Variants in CRB1 observed in about 807,000 individuals in gnomAD.
CRB1 encodes the protein crumbs cell polarity complex component 1, also known as protein crumbs homolog 1.
Under a neutral mutation model 120.0 loss-of-function variants are expected in CRB1, and 83 were observed. The ratio of observed to expected loss-of-function variants is 0.69; its 90% CI spans 0.58 to 0.83. The LOEUF (loss-of-function observed/expected upper bound fraction) is 0.83, where lower values mean the gene tolerates loss of function less well. Among genes scored for constraint, CRB1 ranks in the 40% least tolerant of loss-of-function variants. The pLI is 0.00. For missense variants in CRB1, 1,699 were observed against 1,687.6 expected, an observed-to-expected ratio of 1.01 and a Z score of -0.12; for synonymous variants, 625 against 612.5, an observed-to-expected ratio of 1.02 and a Z score of -0.30.
At chr1:197,453,712 G>A (rs940217194) in intron 11 of CRB1, among the ~76,000 whole-genome samples, 2 of 146,004 alleles carry the variant, frequency 1.4e-5, no homozygotes, top group Non-Finnish European at 3.0e-5. Context: ...GAGTAGCTGG[G>A]ACTACAGCCA....
At chr1:197,297,652 C>G (rs773300987) in intron 1 of CRB1, among the ~76,000 whole-genome samples, 1 of 151,948 alleles carries the variant, frequency 6.6e-6, no homozygotes, top group African/African-American at 2.4e-5. Flanking sequence ...CTATACGTAG[C>G]AAGTAGAGAT....
chr1:197,297,723 G>A (rs998593645), intron 1 of CRB1, among the ~76,000 whole-genome samples: 1 of 152,006 alleles, frequency 6.6e-6, no homozygotes, highest in South Asian at 2.1e-4. Flanking sequence ...GGCCCCTAAG[G>A]TCCAGTCATT....
chr1:197,416,754 G>A (rs1015641817), intron 5 of CRB1, among the ~76,000 whole-genome samples: 1 of 151,506 alleles, frequency 6.6e-6, no homozygotes. Context: ...CTGTTGCCCC[G>A]GCTGGAGTGC....
intron 11 of CRB1, among the ~76,000 whole-genome samples, chr1:197,472,068 C>A (rs1667004671): frequency 6.6e-6 from 1 of 152,184 alleles, no homozygotes. Flanking sequence ...ATCACTAATT[C>A]TCTTAATTGC....
chr1:197,204,507 G>A, the CRB1 span, among the ~76,000 whole-genome samples: 2 of 152,092 alleles, frequency 1.3e-5, no homozygotes, highest in East Asian at 3.9e-4. Flanking sequence ...TTGTGCTTTT[G>A]ATTTTTATTT....
chr1:197,318,958 A>G (rs760199882), intron 1 of CRB1, among the ~76,000 whole-genome samples: 1 of 152,128 alleles, frequency 6.6e-6, no homozygotes, highest in Non-Finnish European at 1.5e-5. Flanking sequence ...ACAATGTATT[A>G]TATGTTCCAA....
intron 3 of CRB1, among the ~76,000 whole-genome samples, chr1:197,345,569 T>C (rs1364614471): frequency 1.4e-5 from 2 of 140,102 alleles, no homozygotes; most frequent in African/African-American, 2.7e-5. Context: ...AGTGCAGTGG[T>C]GTGATCTTGG....
At chr1:197,235,814 T>A in the CRB1 span, among the ~76,000 whole-genome samples, 9 of 152,206 alleles carry the variant, frequency 5.9e-5, no homozygotes, top group African/African-American at 2.2e-4. Context: ...GTGGCTTTTT[T>A]CTTAAAACCT....
intron 5 of CRB1, among the ~76,000 whole-genome samples, chr1:197,405,766 G>A (rs1180544638): frequency 9.3e-5 from 14 of 150,594 alleles, no homozygotes; most frequent in South Asian, 2.1e-4. Context: ...CCTGGCAACC[G>A]CCCCATCTGA....
In CRB1 at chr1:197,268,381, AAC is replaced by A; in HGVS notation, c.-27_-26del. 1 of 1,537,162 alleles carries A rather than the reference AAC, an allele frequency of 6.5e-7. No homozygotes were observed. Among genetic ancestry groups the A allele is most frequent in the Non-Finnish European group, 9.0e-7 (1 of 1,110,230 alleles). On this transcript the variant is annotated 5_prime_UTR_variant, in exon 1 of 12. Coordinates refer to ENST00000367400, the MANE Select transcript of CRB1 (RefSeq NM_201253.3). ...GCCGGACTGGGACCAGACCACCAGC[AAC>A]ACACCAGAGGATGTTCTCTAAATAA...
intron 4 of CRB1, among the ~76,000 whole-genome samples, chr1:197,349,885 G>A (rs576319851): frequency 2.0e-5 from 3 of 152,028 alleles, no homozygotes; most frequent in African/African-American, 7.2e-5. Context: ...TGGATCATGA[G>A]GTCAGGAGAT....
At chr1:197,305,632 G>A (rs1271997912) in intron 1 of CRB1, among the ~76,000 whole-genome samples, 2 of 151,684 alleles carry the variant, frequency 1.3e-5, no homozygotes, top group South Asian at 2.1e-4. Flanking sequence ...TTCATCTTGG[G>A]TTAACCATTA....
intron 1 of CRB1, among the ~76,000 whole-genome samples, chr1:197,272,426 G>C (rs1345833184): frequency 6.6e-6 from 1 of 151,992 alleles, no homozygotes; most frequent in Non-Finnish European, 1.5e-5. Context: ...ACTTCTCTTA[G>C]CAAAATTTTC....
Position 197,464,243 on chromosome 1 carries a change from G to A in CRB1, c.4006-13421G>A, listed in dbSNP as rs535260773. Among the ~76,000 whole-genome samples, 5 of 152,202 alleles carry A rather than the reference G, an allele frequency of 3.3e-5. No individual in the cohort carries two copies. The East Asian group carries it at 9.7e-4, about 30-fold the overall frequency. On this transcript the variant is annotated intron_variant, in intron 11 of 11. Transcript: ENST00000367400. ...GTCTCCTCACAACACTGAAAATACT[G>A]AGGCTGTGTGTTTAATCTGTGCTGT...
intron 5 of CRB1, among the ~76,000 whole-genome samples, chr1:197,383,694 T>C (rs1004664192): frequency 3.3e-5 from 5 of 152,218 alleles, no homozygotes; most frequent in Non-Finnish European, 5.9e-5. Flanking sequence ...GCTCGGAGTT[T>C]AGTTTTTCTT....
intron 4 of CRB1, among the ~76,000 whole-genome samples, chr1:197,349,590 G>C (rs1659975011): frequency 6.6e-6 from 1 of 152,172 alleles, no homozygotes; most frequent in African/African-American, 2.4e-5. Flanking sequence ...CTGGAGACTA[G>C]TCAATCTAAT....
chr1:197,359,058 T>C (rs1033034887), intron 5 of CRB1, among the ~76,000 whole-genome samples: 6 of 152,164 alleles, frequency 3.9e-5, no homozygotes, highest in Non-Finnish European at 5.9e-5. Context: ...ATGATAATAG[T>C]ATATTTATGT....
intron 5 of CRB1, among the ~76,000 whole-genome samples, chr1:197,408,504 T>C (rs1314977186): frequency 6.6e-6 from 1 of 152,162 alleles, no homozygotes; most frequent in East Asian, 1.9e-4. Flanking sequence ...GTCAATAATA[T>C]ACTTGGCCTT....
intron 1 of CRB1, among the ~76,000 whole-genome samples, chr1:197,306,610 A>T (rs964281200): frequency 1.3e-5 from 2 of 152,158 alleles, no homozygotes; most frequent in African/African-American, 2.4e-5. Context: ...AGGCTCTGGG[A>T]AGATAATTTT....
Sources: gnomAD v4.1 joint callset for allele counts (sites outside exome capture counted in the v4.1 genomes callset) on GRCh38, gnomAD v4.1.1 for gene constraint, MANE v1.5 for transcripts, NCBI Gene and HGNC (gene_info 2026-07-23, HGNC 2026-07-21) for gene names.